CADPS: variants seen among roughly 807,000 people sequenced by gnomAD.
CADPS encodes calcium-dependent secretion activator 1.
Under a neutral mutation model 167.3 loss-of-function variants are expected in CADPS, and 57 were observed. The ratio of observed to expected loss-of-function variants is 0.34; its 90% CI spans 0.28 to 0.42. The LOEUF (loss-of-function observed/expected upper bound fraction) is 0.42. Among genes scored for constraint, CADPS ranks in the 20% least tolerant of loss-of-function variants. The pLI is 1.00. For missense variants in CADPS, 1,414 were observed against 1,738.1 expected (o/e 0.81, Z 3.32); for synonymous variants, 676 against 635.3 (o/e 1.06, Z -0.96).
Position 62,561,559 on chromosome 3 carries a change from C to T in CADPS, c.1645-4046G>A, listed in dbSNP as rs535744764. Among the ~76,000 whole-genome samples the T allele has an allele frequency of 7.0e-4, 106 of 152,042 alleles. 2 individuals carry two copies. The South Asian group carries it at 0.016, about 22-fold the overall frequency. ...TGCTGGGATTACAGGCATGAGCCAC[C>T]ACACCTGGCCAGATATCTCTTAATA... On this transcript the variant is annotated intron_variant, in intron 9 of 29. Coordinates refer to ENST00000383710, the MANE Select transcript of CADPS (RefSeq NM_003716.4).
chr3:62,749,987 A>T (rs926141579), intron 3 of CADPS, among the ~76,000 whole-genome samples: 2 of 152,140 alleles, frequency 1.3e-5, no homozygotes, highest in Non-Finnish European at 2.9e-5. Flanking sequence ...AATGCATATT[A>T]TTTTTTTGTA....
chr3:62,679,725 T>A (rs1396185073), intron 3 of CADPS, among the ~76,000 whole-genome samples: 2 of 151,976 alleles, frequency 1.3e-5, no homozygotes, highest in African/African-American at 4.8e-5. Context: ...CTGGAAAAGC[T>A]AGTCACAGAA....
chr3:62,812,014 G>T (rs2094415140), intron 1 of CADPS, among the ~76,000 whole-genome samples: 1 of 151,792 alleles, frequency 6.6e-6, no homozygotes, highest in South Asian at 2.1e-4. Context: ...TTATGTAATG[G>T]TATATATAAA....
intron 1 of CADPS, among the ~76,000 whole-genome samples, chr3:62,841,181 A>G (rs888945808): frequency 2.6e-5 from 4 of 152,184 alleles, no homozygotes; most frequent in South Asian, 2.1e-4. Flanking sequence ...TTAGACACCA[A>G]CCAGAGCTAG....
chr3:62,689,613 G>A (rs1206072821), intron 3 of CADPS, among the ~76,000 whole-genome samples: 1 of 151,964 alleles, frequency 6.6e-6, no homozygotes, highest in Non-Finnish European at 1.5e-5. Flanking sequence ...AAATTAGATT[G>A]TATTTGGATG....
At chr3:62,451,483 A>G (rs999896830) in intron 26 of CADPS, among the ~76,000 whole-genome samples, 2 of 152,062 alleles carry the variant, frequency 1.3e-5, no homozygotes, top group Admixed American at 1.3e-4. Context: ...GACAAAAAAA[A>G]AAAGTGGATT....
intron 17 of CADPS, among the ~76,000 whole-genome samples, chr3:62,503,593 T>A (rs550011149): frequency 1.3e-5 from 2 of 152,242 alleles, no homozygotes; most frequent in Admixed American, 6.5e-5. Context: ...ATCTGTCATT[T>A]TGGGGGAAAA....
intron 3 of CADPS, among the ~76,000 whole-genome samples, chr3:62,697,520 G>C (rs987904545): frequency 6.6e-6 from 1 of 151,896 alleles, no homozygotes; most frequent in African/African-American, 2.4e-5. Flanking sequence ...TGGACTTTTG[G>C]GCTGGTTCCA....
rs138272083 is a variant in CADPS at position 62,662,333 on chromosome 3, A to C, written c.950T>G (p.Met317Arg). ...CCTTACCCTGGCTATTTGGTCTGCC[A>C]TTTGTAGACGTCCATCCAGCTCTCG... The part of the protein sequence containing the change: ...IRRELDGRLQ[M>R]ADQIARERKF... Residue 317 changes from methionine to arginine, a missense_variant, in exon 4 of 30, where the codon ATG becomes AGG. Physicochemically the swap from Met to Arg is moderately conservative, Grantham distance 91. This residue lies in a region of CADPS where 522 missense variants were observed against 559.5 expected (regional missense o/e 0.93). Transcript: ENST00000383710. 82 of 1,613,952 alleles carry C rather than the reference A, an allele frequency of 5.1e-5. No homozygotes were observed. In the East Asian group the frequency reaches 1.8e-3, roughly 35 times the overall value.
At chr3:62,533,582 G>C (rs948519541) in intron 12 of CADPS, among the ~76,000 whole-genome samples, 4 of 152,120 alleles carry the variant, frequency 2.6e-5, no homozygotes, top group Non-Finnish European at 5.9e-5. Flanking sequence ...AATCCTGGTC[G>C]TTAAGTGACT....
intron 3 of CADPS, among the ~76,000 whole-genome samples, chr3:62,714,640 T>C (rs965094457): frequency 1.3e-5 from 2 of 152,276 alleles, no homozygotes; most frequent in East Asian, 3.9e-4. Flanking sequence ...GCAGAAAAAG[T>C]TAGCTAAACA....
intron 26 of CADPS, among the ~76,000 whole-genome samples, chr3:62,462,810 C>T (rs1032232386): frequency 5.9e-5 from 9 of 152,074 alleles, no homozygotes; most frequent in African/African-American, 1.7e-4. Context: ...ACAATTGGGC[C>T]GAAGGAAGCC....
intron 2 of CADPS, among the ~76,000 whole-genome samples, chr3:62,755,385 G>A (rs755776001): frequency 4.6e-4 from 70 of 152,216 alleles, no homozygotes; most frequent in Admixed American, 1.0e-3. Flanking sequence ...ACAAGGCAGT[G>A]AAGCCGCCGC....
At chr3:62,502,627 A>G (rs2065951771) in intron 17 of CADPS, among the ~76,000 whole-genome samples, 1 of 152,200 alleles carries the variant, frequency 6.6e-6, no homozygotes, top group African/African-American at 2.4e-5. Flanking sequence ...TATACTTGAG[A>G]GCCCGAGTCT....
chr3:62,836,960 C>T (rs1001415174), intron 1 of CADPS, among the ~76,000 whole-genome samples: 8 of 152,136 alleles, frequency 5.3e-5, no homozygotes, highest in East Asian at 1.9e-4. Flanking sequence ...AATATAGATG[C>T]CTTGCTTGCT....
At chr3:62,488,351 C>A (rs1337750836) in intron 21 of CADPS, among the ~76,000 whole-genome samples, 2 of 152,156 alleles carry the variant, frequency 1.3e-5, no homozygotes, top group Non-Finnish European at 1.5e-5. Context: ...TCTCCAAGCT[C>A]TTTTTTACAC....
intron 28 of CADPS, among the ~76,000 whole-genome samples, chr3:62,422,860 A>G (rs1211088123): frequency 6.6e-6 from 1 of 152,204 alleles, no homozygotes; most frequent in Non-Finnish European, 1.5e-5. Flanking sequence ...AATCTTGAGC[A>G]TTGTTATTTA....
Position 62,516,076 on chromosome 3 carries a change from T to G in CADPS, c.2564A>C (p.Glu855Ala). The G allele has an allele frequency of 6.2e-7, 1 of 1,613,162 alleles. No individual in the cohort carries two copies. The highest frequency in any genetic ancestry group is 1.1e-5 in the South Asian group (1 of 91,038). ...AGCCTTACCTTCGATTTTGGCATAC[T>G]CTGAGAGCCGAGAATAGTTGACTAA... is the stretch of plus-strand genomic sequence containing the variant. ...AALVNYSRLS[E>A]YAKIEENQKD... Residue 855 changes from glutamate (E) to alanine (A), a missense_variant, in exon 16 of 30, where the codon GAG (glutamate) becomes GCG (alanine). By Grantham distance (107) the Glu-to-Ala change is moderately radical (BLOSUM62 -1). Coordinates refer to ENST00000383710, the MANE Select transcript of CADPS (RefSeq NM_003716.4).
intron 3 of CADPS, among the ~76,000 whole-genome samples, chr3:62,684,426 C>T (rs1325328071): frequency 6.6e-6 from 1 of 151,968 alleles, no homozygotes; most frequent in Non-Finnish European, 1.5e-5. Flanking sequence ...GCCGTAGAAT[C>T]AGCCATTTCA....
Sources: gnomAD v4.1 joint callset for allele counts (sites outside exome capture counted in the v4.1 genomes callset) on GRCh38, gnomAD v4.1.1 for gene constraint, gnomAD v4.1.1 regional missense constraint, MANE v1.5 for transcripts, NCBI Gene and HGNC (gene_info 2026-07-23, HGNC 2026-07-21) for gene names.